Variants in NTM observed in about 807,000 individuals in gnomAD.
NTM encodes the protein IgLON family member 2.
NTM carries 13 observed loss-of-function variants against 42.1 expected under a neutral mutation model. The observed-to-expected ratio is 0.31, with a 90% CI of 0.20 to 0.49. The LOEUF (loss-of-function observed/expected upper bound fraction) is 0.49. NTM is among the 20% of genes least tolerant of loss of function. The probability of loss-of-function intolerance (pLI) is 0.99; values close to 1 mark genes in which losing one functional copy is unlikely to be tolerated. For synonymous variants in NTM, 187 were observed against 179.2 expected, an observed-to-expected ratio of 1.04 and a Z score of -0.35; for missense variants, 373 against 452.8, an observed-to-expected ratio of 0.82 and a Z score of 1.60.
intron 1 of NTM, among the ~76,000 whole-genome samples, chr11:131,794,045 G>T (rs147245942): frequency 6.6e-6 from 1 of 152,326 alleles, no homozygotes; most frequent in East Asian, 1.9e-4. Flanking sequence ...ACAAATATTT[G>T]CTAGGTGTAA....
chr11:132,244,790 A>T (rs895305187), intron 4 of NTM, among the ~76,000 whole-genome samples: 1 of 152,180 alleles, frequency 6.6e-6, no homozygotes, highest in African/African-American at 2.4e-5. Flanking sequence ...GTGGGCCGAG[A>T]GGGAGCCCCC....
intron 1 of NTM, among the ~76,000 whole-genome samples, chr11:131,854,172 G>A (rs1172349866): frequency 6.6e-6 from 1 of 152,106 alleles, no homozygotes; most frequent in African/African-American, 2.4e-5. Flanking sequence ...GTGTTCCATG[G>A]GTAAAGGCCA....
chr11:131,540,953 T>G (rs2053149593), intron 1 of NTM: 1 of 152,210 alleles, frequency 6.6e-6, no homozygotes, highest in South Asian at 2.1e-4. Flanking sequence ...CCCCCTTGAG[T>G]CAATTCATAC....
intron 2 of NTM, among the ~76,000 whole-genome samples, chr11:131,971,160 T>A (rs573068480): frequency 1.3e-5 from 2 of 152,348 alleles, no homozygotes; most frequent in African/African-American, 4.8e-5. Context: ...AATATGGATT[T>A]ACAAGTGTAC....
intron 1 of NTM, among the ~76,000 whole-genome samples, chr11:131,785,256 G>A (rs2088941101): frequency 6.6e-6 from 1 of 152,212 alleles, no homozygotes; most frequent in Non-Finnish European, 1.5e-5. Context: ...GCCAACCACA[G>A]GCAGAGTGAA....
At chr11:131,640,521 A>T (rs887735567) in intron 1 of NTM, among the ~76,000 whole-genome samples, 2 of 152,042 alleles carry the variant, frequency 1.3e-5, no homozygotes, top group South Asian at 4.2e-4. Flanking sequence ...TTTTCTTGCT[A>T]ATGAGGCTGG....
chr11:131,566,246 A>C (rs2137044541), intron 1 of NTM, among the ~76,000 whole-genome samples: 1 of 152,294 alleles, frequency 6.6e-6, no homozygotes, highest in East Asian at 1.9e-4. Flanking sequence ...TTGAGCTCAA[A>C]TGATGCTGCT....
chr11:131,601,951 G>C (rs1247888969), intron 1 of NTM, among the ~76,000 whole-genome samples: 2 of 152,138 alleles, frequency 1.3e-5, no homozygotes, highest in Non-Finnish European at 2.9e-5. Context: ...CACCTAAACA[G>C]GGTGCCATAT....
At chr11:131,488,501 A>G (rs971887150) in intron 1 of NTM, among the ~76,000 whole-genome samples, 2 of 152,170 alleles carry the variant, frequency 1.3e-5, no homozygotes, top group African/African-American at 4.8e-5. Context: ...CTGACACAGC[A>G]TTGCCTCTGC....
intron 4 of NTM, among the ~76,000 whole-genome samples, chr11:132,222,405 G>A (rs2085350038): frequency 6.6e-6 from 1 of 152,184 alleles, no homozygotes; most frequent in African/African-American, 2.4e-5. Context: ...TACCTTAACA[G>A]CTTTAGACAT....
At chr11:132,090,883 G>A (rs2060293379) in intron 2 of NTM, among the ~76,000 whole-genome samples, 1 of 152,084 alleles carries the variant, frequency 6.6e-6, no homozygotes, top group South Asian at 2.1e-4. Context: ...CTATACAGTG[G>A]TGCTTTCACA....
intron 4 of NTM, among the ~76,000 whole-genome samples, chr11:132,254,802 G>T (rs962918793): frequency 6.6e-6 from 1 of 152,130 alleles, no homozygotes; most frequent in Admixed American, 6.5e-5. Context: ...CCCCTGCTGG[G>T]ATTCTCCAGC....
At chr11:132,125,128 C>T (rs968465494) in intron 2 of NTM, among the ~76,000 whole-genome samples, 2 of 152,174 alleles carry the variant, frequency 1.3e-5, no homozygotes, top group Admixed American at 6.5e-5. Context: ...TCCCAGCAAA[C>T]GCAAACGGAT....
chr11:132,319,706 C>T (rs1177940425), intron 7 of NTM, among the ~76,000 whole-genome samples: 1 of 152,246 alleles, frequency 6.6e-6, no homozygotes, highest in Admixed American at 6.5e-5. Context: ...AGAGCACAGA[C>T]ACAAAAGACA....
In NTM at chr11:131,705,614, A is replaced by G. The variant is rs2076517307; in HGVS notation, c.83-205950A>G. Among the ~76,000 whole-genome samples, 6 of 152,300 alleles carry G rather than the reference A, an allele frequency of 3.9e-5. 1 individual carries two copies. In the South Asian group the frequency reaches 1.2e-3, roughly 32 times the overall value. On this transcript the variant is annotated intron_variant, in intron 1 of 8. Coordinates refer to ENST00000683400, the MANE Select transcript of NTM (RefSeq NM_001352005.2). ...CTAATTCTGCTATAGAAGTTAAAAG[A>G]TAAAATCATTAAAAATAACCATAGC...
intron 1 of NTM, among the ~76,000 whole-genome samples, chr11:131,689,552 T>C (rs1199227864): frequency 6.6e-6 from 1 of 152,232 alleles, no homozygotes; most frequent in Non-Finnish European, 1.5e-5. Flanking sequence ...AGATGTTGCT[T>C]TTGGCCCCAT....
chr11:131,563,690 CCT>C (rs979897685), intron 1 of NTM, among the ~76,000 whole-genome samples: 3 of 151,064 alleles, frequency 2.0e-5, no homozygotes, highest in African/African-American at 4.9e-5. Context: ...AACTAGGCAC[CCT>C]CTCTCTTAAA....
intron 1 of NTM, among the ~76,000 whole-genome samples, chr11:131,483,304 G>A (rs1953809102): frequency 6.6e-6 from 1 of 152,110 alleles, no homozygotes; most frequent in Non-Finnish European, 1.5e-5. Context: ...AGACCAAGAA[G>A]TCCCCTACTC....
intron 2 of NTM, among the ~76,000 whole-genome samples, chr11:131,993,081 G>T (rs2067318313): frequency 6.6e-6 from 1 of 152,128 alleles, no homozygotes; most frequent in South Asian, 2.1e-4. Context: ...TTATTCTAAT[G>T]CCTAGATAGA....
Sources: allele counts gnomAD v4.1 joint callset (sites outside exome capture counted in the v4.1 genomes callset), GRCh38; gene constraint gnomAD v4.1.1; transcripts MANE v1.5; gene names NCBI Gene and HGNC (gene_info 2026-07-23, HGNC 2026-07-21).